The following RAB11FIP2 variants were observed in gnomAD, a reference collection of about 807,000 sequenced individuals.
RAB11FIP2 encodes the protein RAB11 family interacting protein 2, also known as rab11 family-interacting protein 2.
In RAB11FIP2, 16 loss-of-function variants were observed where a neutral mutation model predicts 40.9. That is an observed-to-expected ratio of 0.39 (90% CI 0.26 to 0.59). The LOEUF (loss-of-function observed/expected upper bound fraction) is 0.59, where lower values mean the gene tolerates loss of function less well. Among genes scored for constraint, RAB11FIP2 ranks in the 20% least tolerant of loss-of-function variants. The pLI is 0.53. For synonymous variants in RAB11FIP2, 228 were observed against 213.7 expected, an observed-to-expected ratio of 1.07 and a Z score of -0.58; for missense variants, 532 against 606.2, an observed-to-expected ratio of 0.88 and a Z score of 1.28.
Position 118,008,909 on chromosome 10 carries a change from T to C in RAB11FIP2, c.*89A>G, listed in dbSNP as rs371280927. On this transcript the variant is annotated 3_prime_UTR_variant, in exon 5 of 5. Coordinates refer to ENST00000355624, the MANE Select transcript of RAB11FIP2 (RefSeq NM_014904.3). ...GAGAATATGTAATGAAACCTGATAG[T>C]GTAGTCTCTTTCAGTAACAAGTTTT... 2.9e-5 allele frequency: 30 copies of C among 1,020,272 alleles called. No homozygotes were observed. Among genetic ancestry groups the C allele is most frequent in the East Asian group, 1.9e-4 (8 of 42,100 alleles). The allele number at this position is 1,020,272 out of a possible 1,614,324, so 63.2% of individuals were successfully genotyped here. A position where few individuals can be genotyped will look rare whatever the true frequency, so the allele number is the denominator to read the frequency against.
At chr10:118,035,851 G>C (rs1846474700) in intron 3 of RAB11FIP2, among the ~76,000 whole-genome samples, 2 of 151,994 alleles carry the variant, frequency 1.3e-5, no homozygotes, top group Admixed American at 1.3e-4. Flanking sequence ...AAGAAATAGG[G>C]GCATGTAAGA....
chr10:118,039,549 T>A, intron 2 of RAB11FIP2, 109 bp from the exon 3 acceptor site: 1 of 900,946 alleles, frequency 1.1e-6, no homozygotes, highest in Non-Finnish European at 1.7e-6. Flanking sequence ...ATTAGCCACT[T>A]AAATGTATTA....
chr10:118,028,937 T>C (rs1255327845), intron 3 of RAB11FIP2, among the ~76,000 whole-genome samples: 2 of 151,992 alleles, frequency 1.3e-5, no homozygotes, highest in Non-Finnish European at 2.9e-5. Flanking sequence ...CTGCTATTGT[T>C]TTCATGCTAA....
chr10:118,028,144 G>GT lies in RAB11FIP2; in HGVS notation c.1265+10827dup, dbSNP rs1431339355. Among the ~76,000 whole-genome samples, 13 of 152,188 alleles carry GT rather than the reference G, an allele frequency of 8.5e-5. No homozygotes were observed. In the East Asian group the frequency reaches 2.3e-3, roughly 27 times the overall value. On this transcript the variant is annotated intron_variant, in intron 3 of 4. Coordinates refer to ENST00000355624, the MANE Select transcript of RAB11FIP2 (RefSeq NM_014904.3). Reference sequence around the variant, plus strand: ...CTTTACACACAACATTTGTGAAACAGTTTTTTCTTAATAGCAATTTGAATT... The same window carrying GT: ...CTTTACACACAACATTTGTGAAACAGTTTTTTTCTTAATAGCAATTTGAATT...
In RAB11FIP2 at chr10:118,046,260, T is replaced by C; in HGVS notation, c.-97A>G. On this transcript the variant is annotated 5_prime_UTR_variant, in exon 1 of 5. Coordinates refer to ENST00000355624, the MANE Select transcript of RAB11FIP2 (RefSeq NM_014904.3). ...TTAATCACTGCATCCTAAGGACACTTAACGGAAACAGGCAGGCTCAGGGCT... is the reference window on the plus strand; with the variant it reads ...TTAATCACTGCATCCTAAGGACACTCAACGGAAACAGGCAGGCTCAGGGCT... The C allele has an allele frequency of 9.4e-7, 1 of 1,066,896 alleles. No individual in the cohort carries two copies. The highest frequency in any genetic ancestry group is 1.5e-5 in the South Asian group (1 of 66,624). 66.1% of individuals were successfully genotyped at this position (1,066,896 alleles called of 1,614,324 possible).
chr10:118,034,995 G>T (rs1846463807), intron 3 of RAB11FIP2, among the ~76,000 whole-genome samples: 3 of 152,172 alleles, frequency 2.0e-5, no homozygotes, highest in Admixed American at 2.0e-4. Context: ...GCACGGGTGA[G>T]CTCTGGCCAA....
At chr10:118,029,674 TG>T (rs1307795501) in intron 3 of RAB11FIP2, among the ~76,000 whole-genome samples, 10 of 152,128 alleles carry the variant, frequency 6.6e-5, no homozygotes, top group African/African-American at 2.4e-4. Flanking sequence ...ATCATCCTGA[TG>T]GGCTAGAGTA....
At chr10:118,014,601 G>C (rs1016406527) in intron 4 of RAB11FIP2, among the ~76,000 whole-genome samples, 1 of 152,082 alleles carries the variant, frequency 6.6e-6, no homozygotes, top group Non-Finnish European at 1.5e-5. Context: ...TAAAGTATTT[G>C]TTCTTTCAAA....
chr10:118,006,881 A>C lies in RAB11FIP2; in HGVS notation c.*2117T>G, dbSNP rs1846096748. The C allele has an allele frequency of 6.6e-6, 1 of 152,420 alleles. No homozygotes were observed. Among genetic ancestry groups the C allele is most frequent in the Non-Finnish European group, 1.5e-5 (1 of 67,884 alleles). 9.4% of individuals were successfully genotyped at this position (152,420 alleles called of 1,614,324 possible). ...TATAGGAAAAGAATCGCTCCTTAAA[A>C]ATCAATTTCCCCATAAAAAGAAGAG... On this transcript the variant is annotated 3_prime_UTR_variant, in exon 5 of 5. Coordinates refer to ENST00000355624, the MANE Select transcript of RAB11FIP2 (RefSeq NM_014904.3).
intron 2 of RAB11FIP2, chr10:118,039,650 C>A: frequency 1.8e-6 from 1 of 560,166 alleles, no homozygotes; most frequent in Non-Finnish European, 3.2e-6. Flanking sequence ...ATTGCTAGAC[C>A]ATTAGTAATG....
chr10:118,016,666 T>C (rs1846223479), intron 3 of RAB11FIP2, among the ~76,000 whole-genome samples: 2 of 152,158 alleles, frequency 1.3e-5, no homozygotes, highest in South Asian at 4.1e-4. Context: ...CTGACTGGGA[T>C]ATTCTAAAAA....
In RAB11FIP2 at chr10:118,039,445, A is replaced by T; in HGVS notation, c.797-5T>A. On this transcript the variant is annotated splice_region_variant and splice_polypyrimidine_tract_variant and intron_variant, in intron 2 of 4. Coordinates refer to ENST00000355624, the MANE Select transcript of RAB11FIP2 (RefSeq NM_014904.3). The stretch of plus-strand genomic sequence containing the variant: ...TGTGTGGAGATTTGAGACTTCCTAC[A>T]AACAATTTTGTAGTTAGTACATAAT... The T allele has an allele frequency of 1.2e-6, 2 of 1,605,554 alleles. No homozygotes were observed. The highest frequency in any genetic ancestry group is 1.7e-6 in the Non-Finnish European group (2 of 1,174,286).
In RAB11FIP2 at chr10:118,007,934, T is replaced by A. The variant is rs1371991781; in HGVS notation, c.*1064A>T. 2 of 152,550 alleles carry A rather than the reference T, an allele frequency of 1.3e-5. No individual in the cohort carries two copies. Among genetic ancestry groups the A allele is most frequent in the Non-Finnish European group, 2.9e-5 (2 of 67,990 alleles). The allele number at this position is 152,550 out of a possible 1,614,324, so 9.4% of individuals were successfully genotyped here. On this transcript the variant is annotated 3_prime_UTR_variant, in exon 5 of 5. Coordinates refer to ENST00000355624, the MANE Select transcript of RAB11FIP2 (RefSeq NM_014904.3). ...CCAAAGGCAACCATCTGCTCTATTA[T>A]TTATGTAACCTGAAACCAAGCCTAA...
intron 3 of RAB11FIP2, among the ~76,000 whole-genome samples, chr10:118,020,427 C>A (rs966235941): frequency 1.3e-5 from 2 of 152,176 alleles, no homozygotes; most frequent in African/African-American, 4.8e-5. Context: ...TTTCTGTTTG[C>A]CCCTCCTGCT....
chr10:118,009,149 T>C lies in RAB11FIP2; in HGVS notation c.1388A>G (p.His463Arg), dbSNP rs1846128482. Residue 463 changes from histidine (H) to arginine (R), a missense_variant, in exon 5 of 5, where the codon CAC (histidine) becomes CGC (arginine). Coordinates refer to ENST00000355624, the MANE Select transcript of RAB11FIP2 (RefSeq NM_014904.3). ...GTCTTTCCTCCTAAGGAGTTCTTTG[T>C]GTTTCACCAGCTCCTGTAGAACCTC... ...YEEVLQELVK[H>R]KELLRRKDTH... 1 of 1,613,694 alleles carries C rather than the reference T, an allele frequency of 6.2e-7. No individual in the cohort carries two copies. Among genetic ancestry groups the C allele is most frequent in the Non-Finnish European group, 8.5e-7 (1 of 1,179,642 alleles).
chr10:118,018,035 A>T (rs1329019518), intron 3 of RAB11FIP2: 1 of 152,224 alleles, frequency 6.6e-6, no homozygotes, highest in Non-Finnish European at 1.5e-5. Flanking sequence ...GCTACTTCCC[A>T]TTCTACCTGA....
chr10:118,026,468 TAA>T (rs894465241), intron 3 of RAB11FIP2, among the ~76,000 whole-genome samples: 6 of 152,226 alleles, frequency 3.9e-5, no homozygotes, highest in Admixed American at 3.9e-4. Context: ...GACACAGAAA[TAA>T]AAGAGCCAAC....
chr10:118,018,044 G>C (rs1373606591), intron 3 of RAB11FIP2: 2 of 152,226 alleles, frequency 1.3e-5, no homozygotes, highest in African/African-American at 4.8e-5. Context: ...CATTCTACCT[G>C]AGTGATCTGA....
At chr10:118,014,978 A>G in intron 4 of RAB11FIP2, 87 bp downstream of exon 4, 1 of 1,167,192 alleles carries the variant, frequency 8.6e-7, no homozygotes, top group Non-Finnish European at 1.2e-6. Context: ...GCAGAAGGCA[A>G]GAAGACAAAG....
Sources: allele counts gnomAD v4.1 joint callset (sites outside exome capture counted in the v4.1 genomes callset), GRCh38; gene constraint gnomAD v4.1.1; transcripts MANE v1.5; gene names NCBI Gene and HGNC (gene_info 2026-07-23, HGNC 2026-07-21).